EPM2A: variants seen among roughly 807,000 people sequenced by gnomAD.
EPM2A encodes laforin.
Under a neutral mutation model 26.5 loss-of-function variants are expected in EPM2A, and 21 were observed. The observed-to-expected ratio is 0.79, with a 90% CI of 0.56 to 1.14. The LOEUF (loss-of-function observed/expected upper bound fraction) is 1.14. Ranked by LOEUF, EPM2A falls within the 50% of genes most tolerant of loss-of-function variation. EPM2A has a pLI of 0.00. For missense variants in EPM2A, 458 were observed against 440.8 expected (o/e 1.04, Z -0.35); for synonymous variants, 217 against 177.6 (o/e 1.22, Z -1.76).
At chr6:145,698,377 T>C (rs746029422) in intron 1 of EPM2A, among the ~76,000 whole-genome samples, 6 of 152,114 alleles carry the variant, frequency 3.9e-5, no homozygotes, top group Non-Finnish European at 8.8e-5. Flanking sequence ...GAAGGAGTGA[T>C]TGACAAAGCT....
intron 2 of EPM2A, among the ~76,000 whole-genome samples, chr6:145,515,977 G>A (rs1780120839): frequency 6.6e-6 from 1 of 152,170 alleles, no homozygotes; most frequent in Non-Finnish European, 1.5e-5. Flanking sequence ...GCTAGACATT[G>A]GCTGTGAGCT....
At chr6:145,645,935 A>G (rs1013938642) in intron 2 of EPM2A, among the ~76,000 whole-genome samples, 4 of 152,188 alleles carry the variant, frequency 2.6e-5, no homozygotes, top group Non-Finnish European at 4.4e-5. Context: ...TGCATTCATG[A>G]CTGTGCTTAA....
intron 2 of EPM2A, among the ~76,000 whole-genome samples, chr6:145,576,722 G>C (rs1431965529): frequency 6.6e-6 from 1 of 152,038 alleles, no homozygotes; most frequent in African/African-American, 2.4e-5. Flanking sequence ...ACTGGTAAAA[G>C]TAAGTACACA....
chr6:145,490,671 T>C (rs1265227458), intron 4 of EPM2A: 1 of 613,188 alleles, frequency 1.6e-6, no homozygotes, highest in Non-Finnish European at 3.1e-6. Flanking sequence ...TAGAGTGTGA[T>C]TTCATGCGTT....
At chr6:145,442,041 A>G (rs542651446) in intron 4 of EPM2A, among the ~76,000 whole-genome samples, 4 of 152,338 alleles carry the variant, frequency 2.6e-5, no homozygotes, top group African/African-American at 7.2e-5. Context: ...AGTCTCTGCT[A>G]AAACATAACA....
At chr6:145,698,005 T>C (rs1781706662) in intron 1 of EPM2A, among the ~76,000 whole-genome samples, 1 of 151,906 alleles carries the variant, frequency 6.6e-6, no homozygotes, top group African/African-American at 2.4e-5. Flanking sequence ...TAAGTGTCCA[T>C]GAAATCTTCG....
At chr6:145,645,550 C>T (rs2128572677) in intron 2 of EPM2A, among the ~76,000 whole-genome samples, 1 of 152,246 alleles carries the variant, frequency 6.6e-6, no homozygotes, top group East Asian at 1.9e-4. Context: ...AGTAACCCTT[C>T]TGCTTCAGCC....
intron 4 of EPM2A, among the ~76,000 whole-genome samples, chr6:145,403,032 C>A (rs182598442): frequency 6.6e-6 from 1 of 152,256 alleles, no homozygotes; most frequent in Non-Finnish European, 1.5e-5. Flanking sequence ...GATACTATTA[C>A]ACTTCAATGT....
At chr6:145,593,022 A>AT (rs1781295697) in intron 2 of EPM2A, among the ~76,000 whole-genome samples, 1 of 152,148 alleles carries the variant, frequency 6.6e-6, no homozygotes, top group Admixed American at 6.5e-5. Context: ...GTCAATATAG[A>AT]TAAAAACAAG....
chr6:145,398,850 ACT>A (rs1268605073), intron 4 of EPM2A, among the ~76,000 whole-genome samples: 5 of 119,862 alleles, frequency 4.2e-5, no homozygotes, highest in Non-Finnish European at 6.8e-5. Context: ...ACAGAGTGAG[ACT>A]CTGTCTCAAA....
At chr6:145,389,515 A>G (rs1008856338) in intron 4 of EPM2A, among the ~76,000 whole-genome samples, 21 of 152,042 alleles carry the variant, frequency 1.4e-4, no homozygotes, top group Admixed American at 1.2e-3. Flanking sequence ...TTAACATACA[A>G]ACACTTTCCA....
At chr6:145,665,018 G>A (rs1779061215) in intron 2 of EPM2A, among the ~76,000 whole-genome samples, 1 of 105,804 alleles carries the variant, frequency 9.5e-6, no homozygotes, top group Non-Finnish European at 1.9e-5. Flanking sequence ...AAAGCAGTGT[G>A]TAGAGGGAAA....
At chr6:145,536,187 C>A (rs1465649754) in intron 2 of EPM2A, among the ~76,000 whole-genome samples, 1 of 152,138 alleles carries the variant, frequency 6.6e-6, no homozygotes, top group Non-Finnish European at 1.5e-5. Flanking sequence ...CCCAGACTCT[C>A]TCAGTTCATT....
At chr6:145,493,627 T>C in intron 4 of EPM2A, among the ~76,000 whole-genome samples, 1 of 152,244 alleles carries the variant, frequency 6.6e-6, no homozygotes, top group South Asian at 2.1e-4. Flanking sequence ...TGTCGGTTTG[T>C]CATATATGGC....
chr6:145,670,545 CA>C (rs1314750288), intron 2 of EPM2A: 1 of 152,000 alleles, frequency 6.6e-6, no homozygotes, highest in Admixed American at 6.6e-5. Context: ...CATGGTCTGC[CA>C]AAACTGATTT....
chr6:145,716,433 T>A (rs991083474), intron 1 of EPM2A, among the ~76,000 whole-genome samples: 6 of 152,156 alleles, frequency 3.9e-5, no homozygotes, highest in Admixed American at 1.3e-4. Flanking sequence ...TGGTGTGGCC[T>A]AGAAAATTTA....
chr6:145,480,794 T>G (rs1048780385), intron 4 of EPM2A, among the ~76,000 whole-genome samples: 1 of 152,164 alleles, frequency 6.6e-6, no homozygotes, highest in African/African-American at 2.4e-5. Context: ...ATATCTCTTT[T>G]ACAACTATGG....
At chr6:145,455,689 T>C (rs1439402880) in intron 4 of EPM2A, among the ~76,000 whole-genome samples, 3 of 152,236 alleles carry the variant, frequency 2.0e-5, no homozygotes, top group Non-Finnish European at 2.9e-5. Context: ...ATAAAATCAC[T>C]TTATTTTACA....
chr6:145,575,367 C>G (rs1462531309), intron 2 of EPM2A, among the ~76,000 whole-genome samples: 1 of 152,162 alleles, frequency 6.6e-6, no homozygotes, highest in African/African-American at 2.4e-5. Context: ...ACAGTAGACA[C>G]CTGGCGAGGC....
Sources: allele counts gnomAD v4.1 joint callset (sites outside exome capture counted in the v4.1 genomes callset), GRCh38; gene constraint gnomAD v4.1.1; transcripts MANE v1.5; gene names NCBI Gene and HGNC (gene_info 2026-07-23, HGNC 2026-07-21).